Variants in SDR9C7 observed in about 807,000 individuals in gnomAD.
SDR9C7 encodes the protein short chain dehydrogenase/reductase family 9C member 7, also known as short-chain dehydrogenase/reductase family 9C member 7.
SDR9C7 carries 11 observed loss-of-function variants against 23.6 expected under a neutral mutation model. That is an observed-to-expected ratio of 0.47 (90% CI 0.29 to 0.77). SDR9C7 has a LOEUF of 0.77. SDR9C7 is among the 30% of genes least tolerant of loss of function. SDR9C7 has a pLI of 0.09. For synonymous variants in SDR9C7, 167 were observed against 157.3 expected (o/e 1.06, Z -0.46); for missense variants, 387 against 407.1 (o/e 0.95, Z 0.42).
chr12:56,933,830 AG>A, intron 1 of SDR9C7, 130 bp downstream of exon 1: 1 of 1,069,944 alleles, frequency 9.3e-7, no homozygotes, highest in Non-Finnish European at 1.3e-6. Context: ...AGATTGAGGC[AG>A]GGGCCTTTCC....
At position 56,934,355 on chromosome 12, in the gene SDR9C7, AAACCACCTGGAAGAAG is replaced by A; in HGVS notation, c.-110_-95del. ...TGAGCCCTAGCAGGCAGTCTGCAGG[AAACCACCTGGAAGAAG>A]AACTCTCCTTCCTCCCACAGCTTGC... is the stretch of plus-strand genomic sequence containing the variant. On this transcript the variant is annotated 5_prime_UTR_variant, in exon 1 of 4. Coordinates refer to ENST00000293502, the MANE Select transcript of SDR9C7 (RefSeq NM_148897.3). The A allele has an allele frequency of 9.3e-7, 1 of 1,079,418 alleles. No individual in the cohort carries two copies. Among genetic ancestry groups the A allele is most frequent in the South Asian group, 1.5e-5 (1 of 65,992 alleles). 66.9% of individuals were successfully genotyped at this position (1,079,418 alleles called of 1,614,324 possible).
intron 3 of SDR9C7, among the ~76,000 whole-genome samples, chr12:56,924,509 C>T (rs1183290803): frequency 6.6e-6 from 1 of 152,234 alleles, no homozygotes; most frequent in African/African-American, 2.4e-5. Flanking sequence ...TGAAGTCCTA[C>T]TATTGCATTA....
chr12:56,929,672 G>C, intron 2 of SDR9C7, 119 bp from the exon 3 acceptor site: 1 of 1,214,556 alleles, frequency 8.2e-7, no homozygotes, highest in African/African-American at 1.5e-5. Flanking sequence ...CCTGTACTTG[G>C]CCCTGGCATT....
chr12:56,932,358 C>T (rs1307365822), intron 1 of SDR9C7, among the ~76,000 whole-genome samples: 1 of 152,150 alleles, frequency 6.6e-6, no homozygotes, highest in African/African-American at 2.4e-5. Context: ...GGTAGCAGGC[C>T]AGGAGCCAGG....
chr12:56,929,311 C>A, intron 3 of SDR9C7, 79 bp downstream of exon 3: 1 of 1,421,456 alleles, frequency 7.0e-7, no homozygotes, highest in Non-Finnish European at 9.8e-7. Context: ...GTCTCACCAT[C>A]TGTAAACGGA....
intron 3 of SDR9C7, among the ~76,000 whole-genome samples, chr12:56,925,171 C>T (rs1172586575): frequency 1.3e-5 from 2 of 152,084 alleles, no homozygotes; most frequent in Non-Finnish European, 2.9e-5. Context: ...CTCGTGGGGC[C>T]CTCACAAATG....
chr12:56,924,040 CT>C lies in SDR9C7; in HGVS notation c.734del (p.Lys245SerfsTer2). 7 of 1,611,272 alleles carry C rather than the reference CT, an allele frequency of 4.3e-6. No homozygotes were observed. The highest frequency in any genetic ancestry group is 5.9e-6 in the Non-Finnish European group (7 of 1,178,030). ...CTGCCACCTGCATTATGTTTTTTAA[CT>C]TGTCAGTATCTGTTTGAGGGCAGAG... Reference protein sequence around the residue: ...GEDYFRIYTDKLKNIMQVAEP... With the variant: ...GEDYFRIYTDXLKNIMQVAEP... On this transcript the variant is annotated frameshift_variant, in exon 4 of 4. Transcript: ENST00000293502. LOFTEE classifies it high-confidence loss of function.
At chr12:56,930,989 T>C (rs1955765251) in intron 1 of SDR9C7, among the ~76,000 whole-genome samples, 1 of 152,130 alleles carries the variant, frequency 6.6e-6, no homozygotes, top group Non-Finnish European at 1.5e-5. Context: ...CACAACCCTT[T>C]GAGAGGCTGA....
At chr12:56,927,225 G>C (rs1474624166) in intron 3 of SDR9C7, among the ~76,000 whole-genome samples, 1 of 152,170 alleles carries the variant, frequency 6.6e-6, no homozygotes, top group East Asian at 1.9e-4. Flanking sequence ...TTTCGGAGGA[G>C]TTTGCCTTTA....
chr12:56,926,084 A>C (rs559024191), intron 3 of SDR9C7, among the ~76,000 whole-genome samples: 1 of 152,316 alleles, frequency 6.6e-6, no homozygotes, highest in South Asian at 2.1e-4. Flanking sequence ...GGAAGGACAT[A>C]GGCTTTGGAG....
In SDR9C7 at chr12:56,923,750, A is replaced by G. The variant is rs758049939; in HGVS notation, c.*83T>C. On this transcript the variant is annotated 3_prime_UTR_variant, in exon 4 of 4. Coordinates refer to ENST00000293502, the MANE Select transcript of SDR9C7 (RefSeq NM_148897.3). ...CCTTTGCAGCCAATGCCCCCAGGAT[A>G]ACCGATACCACCTTTTGTGACCCCA... is the stretch of plus-strand genomic sequence containing the variant. 1.6e-5 allele frequency: 18 copies of G among 1,143,172 alleles called. No homozygotes were observed. Among genetic ancestry groups the G allele is most frequent in the African/African-American group, 7.8e-5 (5 of 64,242 alleles). The allele number at this position is 1,143,172 out of a possible 1,614,324, so 70.8% of individuals were successfully genotyped here.
rs760606036 is a variant in SDR9C7 at position 56,934,021 on chromosome 12, T to C, written c.241A>G (p.Thr81Ala). The C allele has an allele frequency of 6.2e-7, 1 of 1,614,086 alleles. No homozygotes were observed. Among genetic ancestry groups the C allele is most frequent in the South Asian group, 1.1e-5 (1 of 91,074 alleles). The change falls in exon 1 of 4, where the codon ACC becomes GCC. Residue 81 changes from threonine (T) to alanine (A), a missense_variant. Thr to Ala is a moderately conservative substitution (Grantham distance 58). Coordinates refer to ENST00000293502, the MANE Select transcript of SDR9C7 (RefSeq NM_148897.3). ...YRLQTTLLDV[T>A]KSESIKAAAQ... ...GCCGCCTTGATGCTTTCGCTCTTGG[T>C]GACATCCAGTAGGGTGGTCTGCAGC... is the stretch of plus-strand genomic sequence containing the variant.
rs1325676550 is a variant in SDR9C7 at position 56,930,158 on chromosome 12, G to A, written c.560+68C>T. The A allele has an allele frequency of 3.2e-6, 5 of 1,562,190 alleles. No homozygotes were observed. The East Asian group carries it at 9.0e-5, about 28-fold the overall frequency. On this transcript the variant is annotated intron_variant, in intron 2 of 3. Transcript: ENST00000293502. ...TGCGGAATTCCCCTGCCCACATGCT[G>A]TCACTCCCAACCCTCTCTAATCTCT...
chr12:56,923,592 TG>T lies in SDR9C7; in HGVS notation c.*240del. On this transcript the variant is annotated 3_prime_UTR_variant, in exon 4 of 4. Transcript: ENST00000293502. ...GGGTGACAGACGTCCTTGGAGCTAT[TG>T]CTGCAGATCGCTGAACCTGCAAAGA... 1 of 395,388 alleles carries T rather than the reference TG, an allele frequency of 2.5e-6. No homozygotes were observed. The highest frequency in any genetic ancestry group is 4.5e-6 in the Non-Finnish European group (1 of 221,386). The allele number at this position is 395,388 out of a possible 1,614,324, so 24.5% of individuals were successfully genotyped here.
intron 2 of SDR9C7, 61 bp from the exon 3 acceptor site, chr12:56,929,614 C>T: frequency 6.4e-7 from 1 of 1,563,924 alleles, no homozygotes; most frequent in East Asian, 2.3e-5. Flanking sequence ...CGGAGAGTCA[C>T]CTCTGGATGG....
At position 56,923,795 on chromosome 12, in the gene SDR9C7, C is replaced by A. The variant is rs762500202; in HGVS notation, c.*38G>T. The A allele has an allele frequency of 9.6e-6, 14 of 1,456,850 alleles. No homozygotes were observed. In the Admixed American group the frequency reaches 1.1e-4, roughly 11 times the overall value. 90.2% of individuals were successfully genotyped at this position (1,456,850 alleles called of 1,614,324 possible). The stretch of plus-strand genomic sequence containing the variant: ...ACCCCACGGTCCTTCCTTCCTCCCC[C>A]ACTTCTAGGCTCCACTGACCCATTG... On this transcript the variant is annotated 3_prime_UTR_variant, in exon 4 of 4. Coordinates refer to ENST00000293502, the MANE Select transcript of SDR9C7 (RefSeq NM_148897.3).
intron 1 of SDR9C7, among the ~76,000 whole-genome samples, chr12:56,931,518 G>T (rs937858113): frequency 3.9e-5 from 6 of 152,054 alleles, no homozygotes; most frequent in African/African-American, 1.5e-4. Flanking sequence ...AGGGGCCCAG[G>T]GTTGAAGAGC....
chr12:56,928,432 T>C (rs990455807), intron 3 of SDR9C7, among the ~76,000 whole-genome samples: 1 of 152,178 alleles, frequency 6.6e-6, no homozygotes. Context: ...TTCACAACCC[T>C]GTTTCTCCTC....
intron 1 of SDR9C7, among the ~76,000 whole-genome samples, 189 bp downstream of exon 1, chr12:56,933,772 A>C (rs1955781551): frequency 6.6e-6 from 1 of 152,144 alleles, no homozygotes; most frequent in South Asian, 2.1e-4. Flanking sequence ...TTCCTTGGGA[A>C]ATCACCCCTT....
Sources: allele counts gnomAD v4.1 joint callset (sites outside exome capture counted in the v4.1 genomes callset), GRCh38; gene constraint gnomAD v4.1.1; transcripts MANE v1.5; gene names NCBI Gene and HGNC (gene_info 2026-07-23, HGNC 2026-07-21).